TMEM187: variants seen among roughly 807,000 people sequenced by gnomAD.
TMEM187 encodes the protein transmembrane protein 187.
Under a neutral mutation model 11.8 loss-of-function variants are expected in TMEM187, and 14 were observed. That is an observed-to-expected ratio of 1.18 (90% CI 0.78 to 1.85). The LOEUF (loss-of-function observed/expected upper bound fraction) is 1.85, where lower values mean the gene tolerates loss of function less well. Among genes scored for constraint, TMEM187 ranks in the 40% most tolerant of loss-of-function variants. TMEM187 has a pLI of 0.00. For synonymous variants in TMEM187, 112 were observed against 118.5 expected, an observed-to-expected ratio of 0.95 and a Z score of 0.36; for missense variants, 227 against 243.9, an observed-to-expected ratio of 0.93 and a Z score of 0.46.
chrX:153,978,059 T>C (rs1308900292), intron 1 of TMEM187, among the ~76,000 whole-genome samples: 1 of 101,997 alleles, frequency 9.8e-6, no homozygotes, highest in East Asian at 3.2e-4. Context: ...CTACTAAAAA[T>C]ACAAAAATTA....
At chrX:153,979,290 G>A (rs2065589695) in intron 1 of TMEM187, among the ~76,000 whole-genome samples, 1 of 109,788 alleles carries the variant, frequency 9.1e-6, no homozygotes, top group African/African-American at 3.3e-5. Context: ...CCATCTCCTG[G>A]GCTCAAGTGA....
intron 1 of TMEM187, among the ~76,000 whole-genome samples, chrX:153,976,568 TA>T (rs1347718241): frequency 9.3e-6 from 1 of 107,497 alleles, no homozygotes; most frequent in African/African-American, 3.4e-5. Flanking sequence ...ATAAAAAAAA[TA>T]AAAAACTATT....
intron 1 of TMEM187, among the ~76,000 whole-genome samples, chrX:153,977,279 A>G (rs2065580292): frequency 8.9e-6 from 1 of 112,377 alleles, no homozygotes; most frequent in Non-Finnish European, 1.9e-5. Context: ...ATCATTATAC[A>G]TTATATACAT....
At position 153,982,936 on chromosome X, in the gene TMEM187, T is replaced by C; in HGVS notation, c.*88T>C. 2.5e-6 allele frequency: 3 copies of C among 1,196,072 alleles called. No homozygotes were observed. Among genetic ancestry groups the C allele is most frequent in the Non-Finnish European group, 3.4e-6 (3 of 887,155 alleles). The stretch of plus-strand genomic sequence containing the variant: ...AGCGTGGTGCCAGTGTCAGACATCC[T>C]GTGTGTGATGATATGCACTGATCAC... On this transcript the variant is annotated 3_prime_UTR_variant, in exon 2 of 2. Transcript: ENST00000369982.
At chrX:153,976,560 A>T (rs781861092) in intron 1 of TMEM187, among the ~76,000 whole-genome samples, 18 of 109,836 alleles carry the variant, frequency 1.6e-4, no homozygotes, top group African/African-American at 6.0e-4. Context: ...TATAAAAAAT[A>T]AAAAAAATAA....
chrX:153,982,935 C>G lies in TMEM187; in HGVS notation c.*87C>G. 8.4e-7 allele frequency: 1 copy of G among 1,197,297 alleles called. No individual in the cohort carries two copies. The highest frequency in any genetic ancestry group is 1.7e-5 in the African/African-American group (1 of 57,646). On this transcript the variant is annotated 3_prime_UTR_variant, in exon 2 of 2. Coordinates refer to ENST00000369982, the MANE Select transcript of TMEM187 (RefSeq NM_003492.3). ...CAGCGTGGTGCCAGTGTCAGACATC[C>G]TGTGTGTGATGATATGCACTGATCA...
chrX:153,981,877 C>T lies in TMEM187; in HGVS notation c.-186C>T, dbSNP rs1344316003. 10 of 763,968 alleles carry T rather than the reference C, an allele frequency of 1.3e-5. No homozygotes were observed. Among genetic ancestry groups the T allele is most frequent in the Non-Finnish European group, 1.9e-5 (10 of 531,965 alleles). The allele number at this position is 763,968 out of a possible 1,213,427, so 63.0% of individuals were successfully genotyped here. ...AAAAGGCAGAACGTTCCTCCGCTGG[C>T]GCCAGCCAATCAGCAGGACTCCTGC... On this transcript the variant is annotated 5_prime_UTR_variant, in exon 2 of 2. Coordinates refer to ENST00000369982, the MANE Select transcript of TMEM187 (RefSeq NM_003492.3).
intron 1 of TMEM187, among the ~76,000 whole-genome samples, chrX:153,973,972 C>A (rs2065567483): frequency 9.0e-6 from 1 of 111,540 alleles, no homozygotes; most frequent in African/African-American, 3.3e-5. Context: ...GGGGCCAGTG[C>A]TGTTGAGGTG....
intron 1 of TMEM187, 134 bp from the exon 2 acceptor site, chrX:153,981,714 CAG>C (rs1390706282): frequency 1.4e-5 from 5 of 349,670 alleles, no homozygotes; most frequent in Non-Finnish European, 2.0e-5. Context: ...TTGAGAGAGT[CAG>C]TGTGCAGCGG....
At chrX:153,979,831 G>A (rs920259016) in intron 1 of TMEM187, among the ~76,000 whole-genome samples, 1 of 102,467 alleles carries the variant, frequency 9.8e-6, no homozygotes, top group African/African-American at 3.6e-5. Context: ...CCGCCTCCAG[G>A]GTTCACGCCA....
At position 153,981,900 on chromosome X, in the gene TMEM187, T is replaced by G; in HGVS notation, c.-163T>G. 2 of 952,731 alleles carry G rather than the reference T, an allele frequency of 2.1e-6. No individual in the cohort carries two copies. Among genetic ancestry groups the G allele is most frequent in the Non-Finnish European group, 2.9e-6 (2 of 691,792 alleles). 78.5% of individuals were successfully genotyped at this position (952,731 alleles called of 1,213,427 possible). A position where few individuals can be genotyped will look rare whatever the true frequency, so the allele number is the denominator to read the frequency against. ...GGCGCCAGCCAATCAGCAGGACTCC[T>G]GCCTTCCTTCGGGGCAAGGTCGCAG... On this transcript the variant is annotated 5_prime_UTR_variant, in exon 2 of 2. Coordinates refer to ENST00000369982, the MANE Select transcript of TMEM187 (RefSeq NM_003492.3).
rs189528453 is a variant in TMEM187, at chrX:153,976,027, G to A, written c.-214+3167G>A. On this transcript the variant is annotated intron_variant, in intron 1 of 1. Coordinates refer to ENST00000369982, the MANE Select transcript of TMEM187 (RefSeq NM_003492.3). ...TGATTACTGTGTGTGGTGAGAGATA[G>A]GGGCCTAGTTTTCATTCTTCTTCAC... Among the ~76,000 whole-genome samples the A allele has an allele frequency of 4.5e-5, 5 of 110,863 alleles. No individual in the cohort carries two copies. The Admixed American group carries it at 4.8e-4, about 11-fold the overall frequency.
chrX:153,982,405 G>A lies in TMEM187; in HGVS notation c.343G>A (p.Asp115Asn). Reference protein sequence around the residue: ...WTQWRRAAVLDQWLTLPIFAW... With the variant: ...WTQWRRAAVLNQWLTLPIFAW... ...GCAGTGGCGCCGTGCCGCGGTGCTGGACCAGTGGCTCACACTGCCCATCTT... is the reference window on the plus strand; with the variant it reads ...GCAGTGGCGCCGTGCCGCGGTGCTGAACCAGTGGCTCACACTGCCCATCTT... The change falls in exon 2 of 2, where the codon GAC becomes AAC. Residue 115 changes from aspartate to asparagine, a missense_variant. Transcript: ENST00000369982. The A allele has an allele frequency of 1.7e-6, 2 of 1,200,712 alleles. No individual in the cohort carries two copies. Among genetic ancestry groups the A allele is most frequent in the Non-Finnish European group, 2.2e-6 (2 of 893,269 alleles).
intron 1 of TMEM187, among the ~76,000 whole-genome samples, chrX:153,979,525 T>C (rs1557121996): frequency 4.6e-5 from 5 of 109,336 alleles, no homozygotes; most frequent in African/African-American, 1.3e-4. Flanking sequence ...CAGCTACATA[T>C]GCTTTTTGAT....
chrX:153,982,232 A>G lies in TMEM187; in HGVS notation c.170A>G (p.Asn57Ser), dbSNP rs1557122582. ...GLPAFLAMPFNSLVNMAYTLL... is the reference protein window; with the variant it reads ...GLPAFLAMPFSSLVNMAYTLL... ...CCTGCCTTCCTGGCCATGCCGTTCA[A>G]CTCACTCGTGAACATGGCCTACACG... is the stretch of plus-strand genomic sequence containing the variant. Residue 57 changes from asparagine (N) to serine (S), a missense_variant, in exon 2 of 2, where the codon AAC (asparagine) becomes AGC (serine). By Grantham distance (46) the Asn-to-Ser change is conservative. Transcript: ENST00000369982. 2 of 1,211,885 alleles carry G rather than the reference A, an allele frequency of 1.7e-6. No individual in the cohort carries two copies. Among genetic ancestry groups the G allele is most frequent in the Non-Finnish European group, 2.2e-6 (2 of 895,502 alleles).
chrX:153,980,325 C>T (rs782658085), intron 1 of TMEM187, among the ~76,000 whole-genome samples: 1 of 111,810 alleles, frequency 8.9e-6, no homozygotes, highest in East Asian at 2.8e-4. Context: ...TGCCACTGCA[C>T]CCCAGCCTGG....
chrX:153,982,686 G>T lies in TMEM187; in HGVS notation c.624G>T (p.Lys208Asn). The T allele has an allele frequency of 8.2e-7, 1 of 1,212,486 alleles. No individual in the cohort carries two copies. The highest frequency in any genetic ancestry group is 1.1e-6 in the Non-Finnish European group (1 of 895,692). Residue 208 changes from lysine to asparagine, a missense_variant, in exon 2 of 2, where the codon AAG becomes AAT. Coordinates refer to ENST00000369982, the MANE Select transcript of TMEM187 (RefSeq NM_003492.3). ...CTTGCCTGGGCTTTGTGGTCCTCAA[G>T]CTGTGTGACCATCAGCTCGCACGGT... is the stretch of plus-strand genomic sequence containing the variant. The part of the protein sequence containing the change: ...VLSCLGFVVL[K>N]LCDHQLARWR...
At chrX:153,978,332 G>A (rs1260542428) in intron 1 of TMEM187, among the ~76,000 whole-genome samples, 1 of 106,216 alleles carries the variant, frequency 9.4e-6, no homozygotes, top group East Asian at 3.0e-4. Flanking sequence ...GCAGTGGCAC[G>A]ATCTTGGCTC....
chrX:153,974,513 A>G (rs1343884598), intron 1 of TMEM187, among the ~76,000 whole-genome samples: 1 of 112,324 alleles, frequency 8.9e-6, no homozygotes, highest in Non-Finnish European at 1.9e-5. Flanking sequence ...CTGGATGGGG[A>G]TGGCACTTTA....
Sources: gnomAD v4.1 joint callset for allele counts (sites outside exome capture counted in the v4.1 genomes callset) on GRCh38, gnomAD v4.1.1 for gene constraint, MANE v1.5 for transcripts, NCBI Gene and HGNC (gene_info 2026-07-23, HGNC 2026-07-21) for gene names.